Variants in ABCG5 observed in about 807,000 individuals in gnomAD.
ABCG5 encodes ATP binding cassette subfamily G member 5, also known as ATP-binding cassette sub-family G member 5.
In ABCG5, 64 loss-of-function variants were observed where a neutral mutation model predicts 64.5. That is an observed-to-expected ratio of 0.99 (90% confidence interval 0.81 to 1.22). ABCG5 has a LOEUF of 1.22. Ranked by LOEUF, ABCG5 falls within the 50% of genes most tolerant of loss-of-function variation. The pLI is 0.00. For missense variants in ABCG5, 908 were observed against 829.5 expected, an observed-to-expected ratio of 1.09 and a Z score of -1.16; for synonymous variants, 385 against 326.3, an observed-to-expected ratio of 1.18 and a Z score of -1.94.
At chr2:43,826,277 A>C in intron 6 of ABCG5, 105 bp downstream of exon 6, 1 of 1,548,308 alleles carries the variant, frequency 6.5e-7, no homozygotes, top group Non-Finnish European at 8.8e-7. Context: ...TGGAATTACA[A>C]GTGTGAGCCA....
At chr2:43,839,089 G>C (rs368998235), upstream of ABCG5, 1 of 1,551,288 alleles carries the variant, frequency 6.4e-7, no homozygotes. Context: ...GAGGGCTGCC[G>C]AAAGGGGCCA....
intron 5 of ABCG5, 69 bp downstream of exon 5, chr2:43,827,913 GC>G: frequency 6.2e-7 from 1 of 1,601,940 alleles, no homozygotes. Flanking sequence ...TGAAGAAAGG[GC>G]CCAAAGTATC....
At chr2:43,836,344 A>T (rs191052691) in intron 2 of ABCG5, among the ~76,000 whole-genome samples, 9 of 152,278 alleles carry the variant, frequency 5.9e-5, no homozygotes, top group African/African-American at 1.9e-4. Flanking sequence ...GAGGCTGACC[A>T]TGCCTACATT....
rs1558783068 is a variant in ABCG5, at chr2:43,838,594, G to A, written c.86C>T (p.Pro29Leu). ...RGSQSSLEGA[P>L]ATAPEPHSLG... is the part of the protein sequence containing the mutation. ...GCTGTGAGGCTCCGGGGCGGTGGCA[G>A]GAGCCCCCTCCAGGGAGCTCTGGGA... Residue 29 changes from proline (P) to leucine (L), a missense_variant, in exon 1 of 13, where the codon CCT becomes CTT. By Grantham distance (98) the Pro-to-Leu change is moderately conservative. Coordinates refer to ENST00000405322, the MANE Select transcript of ABCG5 (RefSeq NM_022436.3). The surrounding 1 kb of genome is among the most constrained non-coding windows in gnomAD (Gnocchi z 4.2). 6.2e-7 allele frequency: 1 copy of A among 1,611,400 alleles called. No individual in the cohort carries two copies. The highest frequency in any genetic ancestry group is 1.3e-5 in the African/African-American group (1 of 74,922).
chr2:43,819,881 C>T (rs1446614652), intron 11 of ABCG5, 34 bp downstream of exon 11: 1 of 1,606,636 alleles, frequency 6.2e-7, no homozygotes, highest in African/African-American at 1.3e-5. Flanking sequence ...AACAGATTAT[C>T]CCAATCTAAA....
chr2:43,838,738 C>T lies in ABCG5; in HGVS notation c.-59G>A. On this transcript the variant is annotated 5_prime_UTR_variant, in exon 1 of 13. Transcript: ENST00000405322. This position sits in a 1 kb window ranked among gnomAD's most constrained non-coding sequence, Gnocchi z 4.2. ...GGTGGCCGGACCCTCCCCAGAGTGG[C>T]TTCAGTTGGGGAGCCCGTGGCAGAC... 1.3e-6 allele frequency: 2 copies of T among 1,596,372 alleles called. No individual in the cohort carries two copies. The highest frequency in any genetic ancestry group is 1.7e-6 in the Non-Finnish European group (2 of 1,172,324).
Position 43,836,775 on chromosome 2 carries a change from C to T in ABCG5, c.265+1059G>A, listed in dbSNP as rs536516574. 2.1e-3 allele frequency among the ~76,000 whole-genome samples: 314 copies of T among 152,188 alleles called. 3 individuals carry two copies. Among genetic ancestry groups the T allele is most frequent in the Non-Finnish European group, 3.1e-3 (213 of 67,996 alleles). On this transcript the variant is annotated intron_variant, in intron 2 of 12. Coordinates refer to ENST00000405322, the MANE Select transcript of ABCG5 (RefSeq NM_022436.3). ...AGGAGGAGAAGGATGATGTGGAGAA[C>T]GGGCAGTGGATGACCTCAGTGCAAT...
intron 12 of ABCG5, among the ~76,000 whole-genome samples, chr2:43,813,673 T>G (rs1010492112): frequency 3.4e-5 from 5 of 148,378 alleles, no homozygotes; most frequent in Admixed American, 1.3e-4. Context: ...TTTTTTTGGT[T>G]GTTTTTTTTT....
At chr2:43,822,612 C>G (rs975847540) in intron 10 of ABCG5, 185 bp downstream of exon 10, 1 of 985,254 alleles carries the variant, frequency 1.0e-6, no homozygotes. Context: ...CTCCTGCAAC[C>G]CACAGTTGGG....
At chr2:43,839,075 G>A (rs1199531123), upstream of ABCG5, 2 of 1,551,202 alleles carry the variant, frequency 1.3e-6, no homozygotes, top group Admixed American at 3.9e-5. Flanking sequence ...GGCGGCAGAG[G>A]AGAGAGGGCT....
chr2:43,808,576 G>C (rs1572726991), downstream of ABCG5, among the ~76,000 whole-genome samples: 1 of 152,168 alleles, frequency 6.6e-6, no homozygotes, highest in South Asian at 2.1e-4. Context: ...CCTTTTACAT[G>C]TCAGTTGCCT....
At chr2:43,819,833 T>C in intron 11 of ABCG5, 82 bp downstream of exon 11, 1 of 1,447,852 alleles carries the variant, frequency 6.9e-7, no homozygotes, top group Non-Finnish European at 9.7e-7. Context: ...AGTTCTCTGG[T>C]ATTCCTTTAC....
chr2:43,824,944 G>A lies in ABCG5; in HGVS notation c.849C>T (p.Phe283=), dbSNP rs370806483. The A allele has an allele frequency of 6.2e-6, 10 of 1,613,976 alleles. No homozygotes were observed. In the African/African-American group the frequency reaches 1.2e-4, roughly 19 times the overall value. ...GACAAGGGTAACCGCAGTCATTGAA[G>A]AAATCAAGCATTTCCGCTGGCGTGC... ...FCGTPAEMLD[F]FNDCGYPCPE... The change falls in exon 7 of 13, where the codon TTC becomes TTT. Residue 283 remains phenylalanine, a synonymous_variant. Coordinates refer to ENST00000405322, the MANE Select transcript of ABCG5 (RefSeq NM_022436.3).
chr2:43,819,654 G>A (rs1350409484), intron 11 of ABCG5, among the ~76,000 whole-genome samples: 1 of 152,048 alleles, frequency 6.6e-6, no homozygotes, highest in Non-Finnish European at 1.5e-5. Context: ...TCTTCTCTTG[G>A]TATAATGGTT....
At chr2:43,809,772 A>G (rs1356275154), downstream of ABCG5, 6 of 1,607,220 alleles carry the variant, frequency 3.7e-6, no homozygotes, top group African/African-American at 2.7e-5. Context: ...TCTTGAACCT[A>G]TTTCAATTAT....
intron 11 of ABCG5, among the ~76,000 whole-genome samples, chr2:43,815,733 A>G (rs1666771819): frequency 6.6e-6 from 1 of 152,114 alleles, no homozygotes; most frequent in Admixed American, 6.5e-5. Context: ...ATGTGAAGGA[A>G]CAGTGGGAGG....
At chr2:43,817,179 G>A (rs1212657067) in intron 11 of ABCG5, among the ~76,000 whole-genome samples, 1 of 152,196 alleles carries the variant, frequency 6.6e-6, no homozygotes, top group Non-Finnish European at 1.5e-5. Context: ...CTTTGCAACT[G>A]CCTACCTTTT....
chr2:43,838,676 C>T lies in ABCG5; in HGVS notation c.4G>A (p.Gly2Ser). M[G>S]DLSSLTPGGS... Reference sequence around the variant, plus strand: ...CCGGGGGTCAAAGATGAGAGGTCACCCATGGCCAACAGGCAGCAAAGCTGG... The same window carrying T: ...CCGGGGGTCAAAGATGAGAGGTCACTCATGGCCAACAGGCAGCAAAGCTGG... The change falls in exon 1 of 13, where the codon GGT becomes AGT. Residue 2 changes from glycine (G) to serine (S), a missense_variant. By Grantham distance (56) the Gly-to-Ser change is moderately conservative (BLOSUM62 0). Coordinates refer to ENST00000405322, the MANE Select transcript of ABCG5 (RefSeq NM_022436.3). The surrounding 1 kb of genome is among the most constrained non-coding windows in gnomAD (Gnocchi z 4.2). 1 of 1,613,632 alleles carries T rather than the reference C, an allele frequency of 6.2e-7. No homozygotes were observed. The highest frequency in any genetic ancestry group is 8.5e-7 in the Non-Finnish European group (1 of 1,179,952).
At chr2:43,807,805 C>T (rs1453390096), downstream of ABCG5, among the ~76,000 whole-genome samples, 3 of 125,586 alleles carry the variant, frequency 2.4e-5, no homozygotes, top group Admixed American at 1.8e-4. Context: ...TTAAGGTCTT[C>T]TTGGCCAACC....
Sources: gnomAD v4.1 joint callset for allele counts (sites outside exome capture counted in the v4.1 genomes callset) on GRCh38, gnomAD v4.1.1 for gene constraint, Gnocchi (gnomAD v3.1) non-coding constraint, MANE v1.5 for transcripts, NCBI Gene and HGNC (gene_info 2026-07-23, HGNC 2026-07-21) for gene names.